The following MECOM variants were observed in gnomAD, a reference collection of about 807,000 sequenced individuals.
MECOM encodes the protein MDS1 and EVI1 complex locus.
Under a neutral mutation model 116.3 loss-of-function variants are expected in MECOM, and 13 were observed. The ratio of observed to expected loss-of-function variants is 0.11; its 90% CI spans 0.07 to 0.18. MECOM has a LOEUF of 0.18. Ranked by LOEUF, MECOM falls within the 10% of genes least tolerant of loss-of-function variation. The probability of loss-of-function intolerance (pLI) is 1.00; values close to 1 mark genes in which losing one functional copy is unlikely to be tolerated. For synonymous variants in MECOM, 528 were observed against 535.2 expected, an observed-to-expected ratio of 0.99 and a Z score of 0.19; for missense variants, 1,299 against 1,509.0, an observed-to-expected ratio of 0.86 and a Z score of 2.31.
chr3:169,089,636 T>A lies in MECOM; in HGVS notation c.3401+364A>T, dbSNP rs183047160. ...TCTACTGAAGTGAAGTTTATCTCAA[T>A]TATACTTAACTGATGACCATGCCAG... is the stretch of plus-strand genomic sequence containing the variant. On this transcript the variant is annotated intron_variant, in intron 15 of 16. Transcript: ENST00000651503. Among the ~76,000 whole-genome samples, 615 of 152,252 alleles carry A rather than the reference T, an allele frequency of 4.0e-3. 3 individuals carry two copies. Among genetic ancestry groups the A allele is most frequent in the South Asian group, 0.017 (81 of 4,824 alleles).
chr3:169,564,705 A>G (rs902283253), intron 1 of MECOM, among the ~76,000 whole-genome samples: 16 of 152,040 alleles, frequency 1.1e-4, no homozygotes, highest in South Asian at 2.1e-4. Flanking sequence ...CAAAATCTCC[A>G]TTTTTTTCCT....
intron 2 of MECOM, among the ~76,000 whole-genome samples, chr3:169,312,130 C>T (rs574446764): frequency 6.6e-6 from 1 of 152,200 alleles, no homozygotes; most frequent in East Asian, 1.9e-4. Context: ...TTTAATCAGT[C>T]ACCTTGGTTG....
intron 2 of MECOM, among the ~76,000 whole-genome samples, chr3:169,166,244 A>G (rs1024388597): frequency 1.3e-5 from 2 of 152,184 alleles, no homozygotes; most frequent in African/African-American, 4.8e-5. Context: ...GTAGAAAACA[A>G]CAGGTTAATG....
At chr3:169,308,212 G>C (rs1384666812) in intron 2 of MECOM, among the ~76,000 whole-genome samples, 5 of 152,162 alleles carry the variant, frequency 3.3e-5, no homozygotes, top group African/African-American at 1.2e-4. Flanking sequence ...CTGGGCCTAT[G>C]TATTTTACTA....
intron 2 of MECOM, among the ~76,000 whole-genome samples, chr3:169,241,152 T>C (rs1754747567): frequency 6.6e-6 from 1 of 152,188 alleles, no homozygotes; most frequent in Admixed American, 6.5e-5. Context: ...GGCAAAGATC[T>C]ATTAAAAATC....
chr3:169,369,031 C>T (rs978558504), intron 2 of MECOM, among the ~76,000 whole-genome samples: 2 of 152,016 alleles, frequency 1.3e-5, no homozygotes, highest in Non-Finnish European at 2.9e-5. Flanking sequence ...AAACAGAAGA[C>T]TCCTCATACT....
At chr3:169,470,559 T>C (rs1240185419) in intron 1 of MECOM, among the ~76,000 whole-genome samples, 1 of 152,084 alleles carries the variant, frequency 6.6e-6, no homozygotes, top group African/African-American at 2.4e-5. Flanking sequence ...AATCATGGGG[T>C]ACAGGTGTAT....
At chr3:169,333,873 C>T in intron 2 of MECOM, among the ~76,000 whole-genome samples, 1 of 143,820 alleles carries the variant, frequency 7.0e-6, no homozygotes, top group African/African-American at 2.6e-5. Flanking sequence ...TCCTTCCTTC[C>T]TTCTCTCCTT....
chr3:169,646,561 T>C (rs1272674489), intron 1 of MECOM, among the ~76,000 whole-genome samples: 1 of 152,058 alleles, frequency 6.6e-6, no homozygotes, highest in East Asian at 1.9e-4. Context: ...AAGTAGCTAG[T>C]GAAATACTTT....
Position 169,378,507 on chromosome 3 carries a change from AAGAAAGAAAAG to A in MECOM, c.375+2669_375+2679del, listed in dbSNP as rs1416675618. 1.6e-3 allele frequency among the ~76,000 whole-genome samples: 47 copies of A among 30,100 alleles called. 2 individuals carry two copies. The highest frequency in any genetic ancestry group is 0.014 in the Middle Eastern group (1 of 70). 19.7% of individuals were successfully genotyped at this position (30,100 alleles called of 152,430 possible). ...AGAGAGAGAAAGAAAGAAAGAAAGA[AAGAAAGAAAAG>A]AAAGAAAGAAAGAAAGAAAGAAAGA... is the stretch of plus-strand genomic sequence containing the variant. On this transcript the variant is annotated intron_variant, in intron 2 of 16. Transcript: ENST00000651503.
At chr3:169,506,384 T>C (rs1755220050) in intron 1 of MECOM, among the ~76,000 whole-genome samples, 2 of 152,100 alleles carry the variant, frequency 1.3e-5, no homozygotes, top group African/African-American at 4.8e-5. Flanking sequence ...GCTGGGGTTG[T>C]GATCACTCAA....
intron 2 of MECOM, among the ~76,000 whole-genome samples, chr3:169,175,094 C>T (rs1429096715): frequency 3.3e-5 from 5 of 152,114 alleles, no homozygotes; most frequent in African/African-American, 4.8e-5. Context: ...TCTAGCTCTA[C>T]AATTTTCAAG....
chr3:169,124,609 T>C (rs1471269353), intron 5 of MECOM, among the ~76,000 whole-genome samples: 1 of 152,126 alleles, frequency 6.6e-6, no homozygotes, highest in Non-Finnish European at 1.5e-5. Flanking sequence ...AAGGAGTCCT[T>C]ACTTTCTATA....
At chr3:169,341,664 T>G (rs199685133) in intron 2 of MECOM, among the ~76,000 whole-genome samples, 1 of 147,356 alleles carries the variant, frequency 6.8e-6, no homozygotes, top group Non-Finnish European at 1.5e-5. Flanking sequence ...CGCTTGAACC[T>G]GGGAGGCGGA....
intron 2 of MECOM, among the ~76,000 whole-genome samples, chr3:169,158,108 C>CT (rs1742284435): frequency 6.6e-6 from 1 of 152,020 alleles, no homozygotes. Context: ...TTCAAAATTT[C>CT]TCAAAAAAAG....
At chr3:169,539,126 C>T (rs937963967) in intron 1 of MECOM, among the ~76,000 whole-genome samples, 3 of 151,772 alleles carry the variant, frequency 2.0e-5, no homozygotes, top group African/African-American at 7.3e-5. Context: ...TATAGAATAG[C>T]TCGTTGTTCT....
chr3:169,297,640 TATTATTTTAAAAAAA>T (rs1162151714), intron 2 of MECOM, among the ~76,000 whole-genome samples: 1 of 150,510 alleles, frequency 6.6e-6, no homozygotes, highest in Non-Finnish European at 1.5e-5. Flanking sequence ...ATTAAAAAAA[TATTATTTTAAAAAAA>T]ATCATTTTTT....
chr3:169,659,545 G>A (rs1776000595), intron 1 of MECOM, among the ~76,000 whole-genome samples: 1 of 141,144 alleles, frequency 7.1e-6, no homozygotes, highest in East Asian at 2.1e-4. Flanking sequence ...CCCTAAGCCC[G>A]GGTAATGGTC....
chr3:169,139,993 T>C (rs1737619291), intron 3 of MECOM, among the ~76,000 whole-genome samples: 1 of 152,086 alleles, frequency 6.6e-6, no homozygotes, highest in African/African-American at 2.4e-5. Flanking sequence ...CATGTAGATG[T>C]TTGGTTTACT....
Sources: gnomAD v4.1 joint callset for allele counts (sites outside exome capture counted in the v4.1 genomes callset) on GRCh38, gnomAD v4.1.1 for gene constraint, MANE v1.5 for transcripts, NCBI Gene and HGNC (gene_info 2026-07-23, HGNC 2026-07-21) for gene names.